THEMIS: variants seen among roughly 807,000 people sequenced by gnomAD.
THEMIS encodes the protein thymocyte selection associated.
THEMIS carries 37 observed loss-of-function variants against 52.6 expected under a neutral mutation model. The observed-to-expected ratio is 0.70, with a 90% confidence interval of 0.54 to 0.93. THEMIS has a LOEUF of 0.93. THEMIS is among the 40% of genes least tolerant of loss of function. The pLI, the probability that THEMIS is intolerant of heterozygous loss-of-function variation, is 0.00. For synonymous variants in THEMIS, 292 were observed against 272.7 expected (o/e 1.07, Z -0.70); for missense variants, 808 against 763.1 (o/e 1.06, Z -0.69).
In THEMIS at chr6:127,862,428, A is replaced by ATTTTTTTTTTTTTTTTTTTTT. The variant is rs71028110; in HGVS notation, c.92-7261_92-7241dup. On this transcript the variant is annotated intron_variant, in intron 1 of 5. Coordinates refer to ENST00000368248, the MANE Select transcript of THEMIS (RefSeq NM_001010923.3). ...GCAGGTGAAATCTCCTAGGGAGTAA[A>ATTTTTTTTTTTTTTTTTTTTT]TTTTTTTTTTTTTTTTTTTTTTGCT... is the stretch of plus-strand genomic sequence containing the variant. Among the ~76,000 whole-genome samples the ATTTTTTTTTTTTTTTTTTTTT allele has an allele frequency of 4.7e-3, 341 of 72,734 alleles. 53 individuals are homozygous for ATTTTTTTTTTTTTTTTTTTTT. The highest frequency in any genetic ancestry group is 6.0e-3 in the Non-Finnish European group (212 of 35,390). 47.7% of individuals were successfully genotyped at this position (72,734 alleles called of 152,430 possible). A position where few individuals can be genotyped will look rare whatever the true frequency, so the allele number is the denominator to read the frequency against.
Position 127,732,837 on chromosome 6 carries a change from C to CA in THEMIS, c.1759-13015dup, listed in dbSNP as rs1178700440. On this transcript the variant is annotated intron_variant, in intron 4 of 5. Transcript: ENST00000368248. Reference sequence around the variant, plus strand: ...CATGTCTTTTTGTGCACGTGTCACACATTTCTATTCGGTGCACATATGAAT... The same window carrying CA: ...CATGTCTTTTTGTGCACGTGTCACACAATTTCTATTCGGTGCACATATGAAT... Among the ~76,000 whole-genome samples the CA allele has an allele frequency of 2.0e-5, 3 of 152,284 alleles. No individual in the cohort carries two copies. The East Asian group carries it at 5.8e-4, about 29-fold the overall frequency.
At chr6:127,788,654 A>G (rs1777056750) in intron 4 of THEMIS, among the ~76,000 whole-genome samples, 1 of 152,208 alleles carries the variant, frequency 6.6e-6, no homozygotes, top group South Asian at 2.1e-4. Flanking sequence ...TTTTCTTGAA[A>G]AGGCACAACA....
rs1051057951 is a variant in THEMIS, at chr6:127,854,914, C to A, written c.250+116G>T. ...AAACTATAACAATTCCGGATTTTCC[C>A]CCCCATTATCCTAGAGTGAAAAACA... is the stretch of plus-strand genomic sequence containing the variant. On this transcript the variant is annotated intron_variant, in intron 2 of 5. Transcript: ENST00000368248. 5.6e-5 allele frequency: 47 copies of A among 839,660 alleles called. No homozygotes were observed. The African/African-American group carries it at 5.7e-4, about 10-fold the overall frequency. The allele number at this position is 839,660 out of a possible 1,614,324, so 52.0% of individuals were successfully genotyped here.
chr6:127,878,631 G>GT (rs2114416690), intron 1 of THEMIS, among the ~76,000 whole-genome samples: 1 of 152,280 alleles, frequency 6.6e-6, no homozygotes, highest in African/African-American at 2.4e-5. Context: ...ATTCTGGTCA[G>GT]TTGGGACCAA....
chr6:127,877,262 A>C (rs1780342539), intron 1 of THEMIS, among the ~76,000 whole-genome samples: 1 of 152,190 alleles, frequency 6.6e-6, no homozygotes, highest in African/African-American at 2.4e-5. Flanking sequence ...TATCAGCAAT[A>C]AGGCTGTTTT....
At chr6:127,859,002 C>T (rs185181432) in intron 1 of THEMIS, among the ~76,000 whole-genome samples, 3 of 152,180 alleles carry the variant, frequency 2.0e-5, no homozygotes, top group Admixed American at 2.0e-4. Flanking sequence ...GTTTGACAAT[C>T]CATATAAGCA....
Position 127,725,016 on chromosome 6 carries a change from C to G in THEMIS, c.1759-5193G>C, listed in dbSNP as rs953481993. ...GGGCTTGTTTTTCTTTAGAGAGCTA[C>G]AAAGGACCTCTCTTAGCCAGGGACT... On this transcript the variant is annotated intron_variant, in intron 4 of 5. Coordinates refer to ENST00000368248, the MANE Select transcript of THEMIS (RefSeq NM_001010923.3). 3.9e-5 allele frequency among the ~76,000 whole-genome samples: 6 copies of G among 151,998 alleles called. No homozygotes were observed. The South Asian group carries it at 8.3e-4, about 21-fold the overall frequency.
At chr6:127,777,171 TAAATTTA>T (rs1316867259) in intron 4 of THEMIS, among the ~76,000 whole-genome samples, 2 of 151,854 alleles carry the variant, frequency 1.3e-5, no homozygotes, top group African/African-American at 4.8e-5. Context: ...TGTTTGAGTT[TAAATTTA>T]ACACCTTGGG....
At position 127,713,597 on chromosome 6, in the gene THEMIS, C is replaced by T. The variant is rs537827078; in HGVS notation, c.1895-3581G>A. On this transcript the variant is annotated intron_variant, in intron 5 of 5. Transcript: ENST00000368248. ...CACAAAGGAGGCAGATAGTGCCAGA[C>T]AGGAGGGTTATAGTTTTAAAATAAG... Among the ~76,000 whole-genome samples, 35 of 151,908 alleles carry T rather than the reference C, an allele frequency of 2.3e-4. 1 individual carries two copies. The highest frequency in any genetic ancestry group is 8.4e-4 in the African/African-American group (35 of 41,472).
chr6:127,762,719 T>C (rs1164694913), intron 4 of THEMIS, among the ~76,000 whole-genome samples: 1 of 152,066 alleles, frequency 6.6e-6, no homozygotes, highest in Non-Finnish European at 1.5e-5. Flanking sequence ...CTCTACTCAA[T>C]CTAAACAGTT....
chr6:127,879,792 T>C (rs1169617327), intron 1 of THEMIS, among the ~76,000 whole-genome samples: 2 of 152,032 alleles, frequency 1.3e-5, no homozygotes, highest in African/African-American at 2.4e-5. Context: ...GAGCTGGAGC[T>C]GCTGGACTGG....
intron 2 of THEMIS, among the ~76,000 whole-genome samples, chr6:127,854,390 T>C (rs888516797): frequency 5.9e-5 from 9 of 151,744 alleles, no homozygotes; most frequent in Non-Finnish European, 1.3e-4. Flanking sequence ...TGCCAACCCC[T>C]AGTGTAAAAA....
chr6:127,729,567 C>T (rs1774684237), intron 4 of THEMIS, among the ~76,000 whole-genome samples: 1 of 152,150 alleles, frequency 6.6e-6, no homozygotes, highest in East Asian at 1.9e-4. Flanking sequence ...AATGTCCAGT[C>T]CTTTTTCCAA....
intron 2 of THEMIS, among the ~76,000 whole-genome samples, chr6:127,842,138 T>C (rs903140551): frequency 6.6e-6 from 1 of 151,956 alleles, no homozygotes; most frequent in Non-Finnish European, 1.5e-5. Flanking sequence ...ATGTATATAT[T>C]TTTTGCATAA....
intron 4 of THEMIS, among the ~76,000 whole-genome samples, chr6:127,746,026 T>C (rs977477188): frequency 6.6e-6 from 1 of 151,868 alleles, no homozygotes. Context: ...GCATAAATTG[T>C]TTGATATTAG....
intron 4 of THEMIS, among the ~76,000 whole-genome samples, chr6:127,793,191 G>C (rs369281861): frequency 6.6e-6 from 1 of 152,308 alleles, no homozygotes; most frequent in East Asian, 1.9e-4. Context: ...ACAGGGACAA[G>C]CTACAAGCAG....
chr6:127,868,668 G>T (rs866330503), intron 1 of THEMIS, among the ~76,000 whole-genome samples: 2 of 152,116 alleles, frequency 1.3e-5, no homozygotes, highest in African/African-American at 2.4e-5. Context: ...ATTGTGTATA[G>T]ATGTATCTGT....
At chr6:127,701,260 T>C in the THEMIS span, among the ~76,000 whole-genome samples, 2 of 152,136 alleles carry the variant, frequency 1.3e-5, no homozygotes, top group Non-Finnish European at 2.9e-5. Flanking sequence ...ATATAGTAAA[T>C]ACTATTTTGT....
chr6:127,719,654 C>T, intron 5 of THEMIS, 34 bp downstream of exon 5: 1 of 1,565,206 alleles, frequency 6.4e-7, no homozygotes, highest in East Asian at 2.3e-5. Context: ...AGTTAAACCA[C>T]CGTGGTTTAA....
Sources: allele counts gnomAD v4.1 joint callset (sites outside exome capture counted in the v4.1 genomes callset), GRCh38; gene constraint gnomAD v4.1.1; transcripts MANE v1.5; gene names NCBI Gene and HGNC (gene_info 2026-07-23, HGNC 2026-07-21).